The following ZFHX3 variants were observed in gnomAD, a reference collection of about 807,000 sequenced individuals.
ZFHX3 encodes zinc finger homeobox 3.
Under a neutral mutation model 279.1 loss-of-function variants are expected in ZFHX3, and 42 were observed. The observed-to-expected ratio is 0.15, with a 90% CI of 0.12 to 0.19. ZFHX3 has a LOEUF of 0.19. Among genes scored for constraint, ZFHX3 ranks in the 10% least tolerant of loss-of-function variants. The pLI is 1.00. For missense variants in ZFHX3, 4,981 were observed against 4,754.0 expected (o/e 1.05, Z -1.40); for synonymous variants, 2,293 against 1,957.8 (o/e 1.17, Z -4.52).
intron 1 of ZFHX3, among the ~76,000 whole-genome samples, chr16:73,857,241 T>A (rs895120864): frequency 3.3e-5 from 5 of 152,220 alleles, no homozygotes; most frequent in African/African-American, 1.2e-4. Context: ...GAAATAAGAT[T>A]TGCTCTAGAA....
intron 1 of ZFHX3, among the ~76,000 whole-genome samples, chr16:72,978,742 C>T (rs1171075832): frequency 6.6e-6 from 1 of 152,210 alleles, no homozygotes; most frequent in African/African-American, 2.4e-5. Context: ...CCAATCTCCA[C>T]AGCCCCTTGG....
intron 3 of ZFHX3, among the ~76,000 whole-genome samples, chr16:73,359,691 TC>T (rs1465348447): frequency 6.6e-6 from 1 of 152,180 alleles, no homozygotes; most frequent in African/African-American, 2.4e-5. Flanking sequence ...CTATCTTCTC[TC>T]TGGAAGTGGG....
chr16:73,301,218 G>A (rs1315902386), intron 4 of ZFHX3, among the ~76,000 whole-genome samples: 1 of 152,160 alleles, frequency 6.6e-6, no homozygotes, highest in South Asian at 2.1e-4. Context: ...TGGACATAAG[G>A]ACATCCTTTG....
intron 2 of ZFHX3, among the ~76,000 whole-genome samples, chr16:73,509,010 A>G (rs745403368): frequency 2.0e-5 from 3 of 152,190 alleles, no homozygotes; most frequent in Non-Finnish European, 4.4e-5. Flanking sequence ...GCAATGGACC[A>G]AACCCATCCC....
At chr16:73,687,686 A>T (rs1432862896) in intron 1 of ZFHX3, among the ~76,000 whole-genome samples, 1 of 151,916 alleles carries the variant, frequency 6.6e-6, no homozygotes, top group Non-Finnish European at 1.5e-5. Flanking sequence ...TGCTAAAAAT[A>T]CAAAAATTAG....
At chr16:73,889,319 A>G (rs2030451634) in intron 1 of ZFHX3, among the ~76,000 whole-genome samples, 1 of 152,178 alleles carries the variant, frequency 6.6e-6, no homozygotes, top group Admixed American at 6.5e-5. Context: ...TTTGGCAGGC[A>G]AAGGGTGTAA....
At chr16:72,851,739 C>T (rs937104343) in intron 4 of ZFHX3, among the ~76,000 whole-genome samples, 10 of 151,928 alleles carry the variant, frequency 6.6e-5, no homozygotes, top group African/African-American at 1.5e-4. Flanking sequence ...TTAATAGAGA[C>T]GGGGTTTCAC....
intron 6 of ZFHX3, among the ~76,000 whole-genome samples, chr16:73,133,828 C>T (rs768684305): frequency 6.6e-6 from 1 of 152,160 alleles, no homozygotes; most frequent in Non-Finnish European, 1.5e-5. Context: ...TCACAGTAAT[C>T]CCCAAGAAAG....
chr16:73,795,809 G>A (rs1959972109), intron 1 of ZFHX3, among the ~76,000 whole-genome samples: 1 of 152,234 alleles, frequency 6.6e-6, no homozygotes, highest in African/African-American at 2.4e-5. Context: ...GGGCATGACT[G>A]AAATACAAAT....
intron 5 of ZFHX3, among the ~76,000 whole-genome samples, chr16:73,166,010 G>A (rs1469143264): frequency 6.6e-6 from 1 of 152,184 alleles, no homozygotes; most frequent in Non-Finnish European, 1.5e-5. Flanking sequence ...ATAAAACCAG[G>A]AGGATAAACT....
chr16:73,838,344 T>C (rs888861442), intron 1 of ZFHX3, among the ~76,000 whole-genome samples: 1 of 152,206 alleles, frequency 6.6e-6, no homozygotes, highest in Non-Finnish European at 1.5e-5. Flanking sequence ...TATGAGCATA[T>C]TTCTGTCATG....
chr16:73,312,408 C>T (rs2143169445), intron 4 of ZFHX3, among the ~76,000 whole-genome samples: 1 of 152,226 alleles, frequency 6.6e-6, no homozygotes, highest in Non-Finnish European at 1.5e-5. Context: ...AAAAACTCTT[C>T]TAAATCTTAG....
intron 2 of ZFHX3, among the ~76,000 whole-genome samples, chr16:73,592,758 C>T (rs929280823): frequency 3.3e-5 from 5 of 149,878 alleles, no homozygotes; most frequent in African/African-American, 1.2e-4. Context: ...TAAATAGAGA[C>T]AAATAGAAAG....
At chr16:73,065,745 T>C (rs575915610) in intron 8 of ZFHX3, among the ~76,000 whole-genome samples, 36 of 152,122 alleles carry the variant, frequency 2.4e-4, no homozygotes, top group Admixed American at 2.0e-3. Flanking sequence ...AAAGGGACGG[T>C]TTAAAGAGAA....
intron 2 of ZFHX3, among the ~76,000 whole-genome samples, chr16:73,568,086 G>A (rs1274141654): frequency 1.3e-5 from 2 of 152,170 alleles, no homozygotes; most frequent in Non-Finnish European, 2.9e-5. Flanking sequence ...TCAAAGCACC[G>A]CAGAAAGTAG....
intron 1 of ZFHX3, among the ~76,000 whole-genome samples, chr16:73,681,330 A>G (rs572753852): frequency 6.6e-6 from 1 of 152,216 alleles, no homozygotes; most frequent in Non-Finnish European, 1.5e-5. Context: ...TGATCGTCCA[A>G]AGCGAAGGCA....
At chr16:73,351,202 A>C (rs2016234786) in intron 3 of ZFHX3, among the ~76,000 whole-genome samples, 1 of 152,152 alleles carries the variant, frequency 6.6e-6, no homozygotes, top group Non-Finnish European at 1.5e-5. Context: ...AATTTAGGAG[A>C]GATAAGAGCC....
chr16:73,095,508 A>G (rs1224851991), intron 7 of ZFHX3, among the ~76,000 whole-genome samples: 1 of 152,234 alleles, frequency 6.6e-6, no homozygotes, highest in Non-Finnish European at 1.5e-5. Context: ...TGTTGCCCAC[A>G]GCGGCCCAAG....
At chr16:73,143,147 T>C (rs1966851870) in intron 6 of ZFHX3, among the ~76,000 whole-genome samples, 1 of 151,854 alleles carries the variant, frequency 6.6e-6, no homozygotes, top group South Asian at 2.1e-4. Context: ...CTAGGATTGG[T>C]TTAAGCTCAT....
Sources: gnomAD v4.1 joint callset for allele counts (sites outside exome capture counted in the v4.1 genomes callset) on GRCh38, gnomAD v4.1.1 for gene constraint, MANE v1.5 for transcripts, NCBI Gene and HGNC (gene_info 2026-07-23, HGNC 2026-07-21) for gene names.